FBLN1: variants seen among roughly 807,000 people sequenced by gnomAD.
FBLN1 encodes fibulin 1, also known as fibulin-1.
In FBLN1, 34 loss-of-function variants were observed where a neutral mutation model predicts 89.7. That is an observed-to-expected ratio of 0.38 (90% confidence interval 0.29 to 0.50). The LOEUF is 0.50. FBLN1 is among the 20% of genes least tolerant of loss of function. The pLI, the probability that FBLN1 is intolerant of heterozygous loss-of-function variation, is 0.92. For missense variants in FBLN1, 777 were observed against 988.1 expected (o/e 0.79, Z 2.86); for synonymous variants, 393 against 391.3 (o/e 1.00, Z -0.05).
chr22:45,560,657 T>C (rs2088840225), intron 14 of FBLN1, among the ~76,000 whole-genome samples: 1 of 152,202 alleles, frequency 6.6e-6, no homozygotes, highest in African/African-American at 2.4e-5. Flanking sequence ...AACGCTATGT[T>C]CCTTCCACCA....
rs375724428 is a variant in FBLN1 at position 45,533,067 on chromosome 22, C to T, written c.549C>T (p.Gly183=). The part of the protein sequence containing the change: ...DPYLNDRCRG[G]GPCKQQCRDT... ...TCATGCACGCTGTGCTTCCAGGAGGCGGGCCCTGCAAGCAGCAGTGCCGAG... is the reference window on the plus strand; with the variant it reads ...TCATGCACGCTGTGCTTCCAGGAGGTGGGCCCTGCAAGCAGCAGTGCCGAG... Residue 183 remains glycine, a synonymous_variant, in exon 6 of 17, where the codon GGC becomes GGT. Coordinates refer to ENST00000327858, the MANE Select transcript of FBLN1 (RefSeq NM_006486.3). The T allele has an allele frequency of 6.8e-6, 11 of 1,613,894 alleles. No homozygotes were observed. The highest frequency in any genetic ancestry group is 3.3e-5 in the South Asian group (3 of 91,080).
At chr22:45,523,994 G>A (rs2088286263) in intron 2 of FBLN1, among the ~76,000 whole-genome samples, 1 of 152,222 alleles carries the variant, frequency 6.6e-6, no homozygotes, top group South Asian at 2.1e-4. Flanking sequence ...CGCATGGCTG[G>A]TGGCTCGCTC....
At chr22:45,584,404 A>G (rs1233480177) in intron 16 of FBLN1, among the ~76,000 whole-genome samples, 1 of 152,164 alleles carries the variant, frequency 6.6e-6, no homozygotes, top group Non-Finnish European at 1.5e-5. Flanking sequence ...TTATTACCCA[A>G]TTTCAAGTTT....
intron 16 of FBLN1, among the ~76,000 whole-genome samples, chr22:45,595,441 C>G (rs1168545725): frequency 6.6e-6 from 1 of 152,186 alleles, no homozygotes; most frequent in Non-Finnish European, 1.5e-5. Flanking sequence ...AAAATCCAGG[C>G]CCCGAATCTG....
Position 45,570,954 on chromosome 22 carries a change from G to A in FBLN1, c.1698-3557G>A, listed in dbSNP as rs561743821. Among the ~76,000 whole-genome samples, 48 of 151,870 alleles carry A rather than the reference G, an allele frequency of 3.2e-4. No individual in the cohort carries two copies. The South Asian group carries it at 5.6e-3, about 18-fold the overall frequency. On this transcript the variant is annotated intron_variant, in intron 14 of 16. Transcript: ENST00000327858. ...AGCTTGACCAACATGGTGAAACCCC[G>A]TATCTACTAAAAATATAAAAAATTA...
At chr22:45,594,066 C>T (rs1601546628) in intron 16 of FBLN1, among the ~76,000 whole-genome samples, 2 of 152,198 alleles carry the variant, frequency 1.3e-5, no homozygotes, top group East Asian at 1.9e-4. Flanking sequence ...TCCAGCTGGT[C>T]CCAGTGTCTG....
intron 1 of FBLN1, chr22:45,517,761 G>A (rs2146949019): frequency 2.5e-6 from 1 of 403,102 alleles, no homozygotes; most frequent in South Asian, 1.9e-5. Context: ...TGAGGCTTAT[G>A]TCCCCCCTCC....
Position 45,580,169 on chromosome 22 carries a change from G to A in FBLN1, c.1972+3061G>A, listed in dbSNP as rs1386510646. Among the ~76,000 whole-genome samples the A allele has an allele frequency of 6.6e-6, 1 of 152,150 alleles. No individual in the cohort carries two copies. Among genetic ancestry groups the A allele is most frequent in the African/African-American group, 2.4e-5 (1 of 41,434 alleles). Reference sequence around the variant, plus strand: ...GATGTTTTCCGACTTGTTTTTAGCAGTGCAGTTCTGATTTCAAGCAGTGAC... The same window carrying A: ...GATGTTTTCCGACTTGTTTTTAGCAATGCAGTTCTGATTTCAAGCAGTGAC... On this transcript the variant is annotated intron_variant, in intron 16 of 16. Coordinates refer to ENST00000327858, the MANE Select transcript of FBLN1 (RefSeq NM_006486.3). The surrounding 1 kb of genome is among the most constrained non-coding windows in gnomAD (Gnocchi z 8.6).
intron 16 of FBLN1, among the ~76,000 whole-genome samples, chr22:45,596,856 A>G (rs1444048730): frequency 7.8e-6 from 1 of 128,578 alleles, no homozygotes; most frequent in African/African-American, 3.9e-5. Context: ...GTAAATTTAT[A>G]AAATACACTT....
In FBLN1 at chr22:45,556,243, G is replaced by A. The variant is rs1016651543; in HGVS notation, c.1697+5628G>A. ...GCTCCTGACCTCAAGTGATCCTCCC[G>A]CCTCGGCCTCCCAAAATGCTGGGAT... On this transcript the variant is annotated intron_variant, in intron 14 of 16. Transcript: ENST00000327858. The surrounding 1 kb of genome is among the most constrained non-coding windows in gnomAD (Gnocchi z 4.6). 2.0e-4 allele frequency among the ~76,000 whole-genome samples: 31 copies of A among 152,076 alleles called. No homozygotes were observed. Among genetic ancestry groups the A allele is most frequent in the African/African-American group, 4.8e-4 (20 of 41,394 alleles).
In FBLN1 at chr22:45,579,493, T is replaced by C. The variant is rs1481964221; in HGVS notation, c.1972+2385T>C. Among the ~76,000 whole-genome samples the C allele has an allele frequency of 6.6e-6, 1 of 152,154 alleles. No homozygotes were observed. Among genetic ancestry groups the C allele is most frequent in the Non-Finnish European group, 1.5e-5 (1 of 68,012 alleles). On this transcript the variant is annotated intron_variant, in intron 16 of 16. Coordinates refer to ENST00000327858, the MANE Select transcript of FBLN1 (RefSeq NM_006486.3). The surrounding 1 kb of genome is among the most constrained non-coding windows in gnomAD (Gnocchi z 5.5). ...GCACAGTTGGTCACGGGTGCCCTGG[T>C]CTTTGGAATTCTGGGCTGGGGCTGC...
chr22:45,574,503 C>T lies in FBLN1; in HGVS notation c.1698-8C>T. 2 of 1,614,100 alleles carry T rather than the reference C, an allele frequency of 1.2e-6. No homozygotes were observed. The highest frequency in any genetic ancestry group is 1.7e-6 in the Non-Finnish European group (2 of 1,180,024). On this transcript the variant is annotated splice_polypyrimidine_tract_variant and splice_region_variant and intron_variant, in intron 14 of 16. Transcript: ENST00000327858. This position sits in a 1 kb window ranked among gnomAD's most constrained non-coding sequence, Gnocchi z 4.1. Reference sequence around the variant, plus strand: ...CCCGTCAGCCTCGTGTGCTGTGGTTCCCCTCAGGCTCCAGCAGGAGAAGAC... The same window carrying T: ...CCCGTCAGCCTCGTGTGCTGTGGTTTCCCTCAGGCTCCAGCAGGAGAAGAC...
chr22:45,509,147 G>T (rs1432789325), intron 1 of FBLN1, among the ~76,000 whole-genome samples: 1 of 152,098 alleles, frequency 6.6e-6, no homozygotes, highest in Non-Finnish European at 1.5e-5. Context: ...CATGACAGGT[G>T]GCCAGAGGGG....
At chr22:45,551,638 GTT>G (rs2088703102) in intron 14 of FBLN1, among the ~76,000 whole-genome samples, 1 of 152,192 alleles carries the variant, frequency 6.6e-6, no homozygotes, top group South Asian at 2.1e-4. Context: ...CCAACATCTT[GTT>G]TCCTTCCTGA....
rs372583917 is a variant in FBLN1 at position 45,600,327 on chromosome 22, C to T, written c.1993C>T (p.Pro665Ser). The T allele has an allele frequency of 6.8e-6, 11 of 1,614,082 alleles. No individual in the cohort carries two copies. The highest frequency in any genetic ancestry group is 8.5e-6 in the Non-Finnish European group (10 of 1,180,036). ...CGCAGGTGTCGTGCGCCAGGTGCGG[C>T]CCATCGTGGGCCCATTTCATGCCGT... The part of the protein sequence containing the change: ...MTVGVVRQVR[P>S]IVGPFHAVLK... Residue 665 changes from proline to serine, a missense_variant, in exon 17 of 17, where the codon CCC (proline) becomes TCC (serine). Physicochemically the swap from Pro to Ser is moderately conservative, Grantham distance 74 (BLOSUM62 -1). Transcript: ENST00000327858.
intron 14 of FBLN1, among the ~76,000 whole-genome samples, chr22:45,559,198 A>G (rs2088824354): frequency 6.6e-6 from 1 of 152,230 alleles, no homozygotes; most frequent in African/African-American, 2.4e-5. Flanking sequence ...ACCAAGAGAT[A>G]TGGTAATTTG....
intron 1 of FBLN1, among the ~76,000 whole-genome samples, chr22:45,516,458 A>G (rs962617306): frequency 6.6e-6 from 1 of 152,108 alleles, no homozygotes; most frequent in Non-Finnish European, 1.5e-5. Flanking sequence ...TGCTTTTCTT[A>G]ATGAATTAGA....
Position 45,588,035 on chromosome 22 carries a change from C to T in FBLN1, c.1972+10927C>T, listed in dbSNP as rs1051986921. ...GTGACTAAGGCAGACATGAACGCCT[C>T]TCTCATACACTTTTTATCCCAGAGG... On this transcript the variant is annotated intron_variant, in intron 16 of 16. Transcript: ENST00000327858. This position sits in a 1 kb window ranked among gnomAD's most constrained non-coding sequence, Gnocchi z 5.1. Among the ~76,000 whole-genome samples the T allele has an allele frequency of 1.3e-5, 2 of 152,220 alleles. No individual in the cohort carries two copies. Among genetic ancestry groups the T allele is most frequent in the Non-Finnish European group, 2.9e-5 (2 of 68,048 alleles).
At chr22:45,595,932 C>T (rs1056297343) in intron 16 of FBLN1, among the ~76,000 whole-genome samples, 12 of 152,328 alleles carry the variant, frequency 7.9e-5, no homozygotes, top group African/African-American at 2.2e-4. Context: ...TGCAATGGCG[C>T]GATCTCAGCT....
Sources: gnomAD v4.1 joint callset for allele counts (sites outside exome capture counted in the v4.1 genomes callset) on GRCh38, gnomAD v4.1.1 for gene constraint, Gnocchi (gnomAD v3.1) non-coding constraint, MANE v1.5 for transcripts, NCBI Gene and HGNC (gene_info 2026-07-23, HGNC 2026-07-21) for gene names.